TENM3: variants seen among roughly 807,000 people sequenced by gnomAD.
TENM3 encodes the protein teneurin-3.
A neutral mutation model predicts 255.1 loss-of-function variants in TENM3; 63 were observed. The ratio of observed to expected loss-of-function variants is 0.25; its 90% confidence interval spans 0.20 to 0.30. The LOEUF (loss-of-function observed/expected upper bound fraction) is 0.30. Ranked by LOEUF, TENM3 falls within the 10% of genes least tolerant of loss-of-function variation. The probability of loss-of-function intolerance (pLI) is 1.00; values close to 1 mark genes in which losing one functional copy is unlikely to be tolerated. For missense variants in TENM3, 2,929 were observed against 3,461.1 expected, an observed-to-expected ratio of 0.85 and a Z score of 3.86; for synonymous variants, 1,306 against 1,322.3, an observed-to-expected ratio of 0.99 and a Z score of 0.27.
the TENM3 span, among the ~76,000 whole-genome samples, chr4:182,032,378 T>C: frequency 6.6e-6 from 1 of 152,210 alleles, no homozygotes; most frequent in Non-Finnish European, 1.5e-5. Context: ...TGTTGAACGA[T>C]CCTTTCATCT....
the TENM3 span, among the ~76,000 whole-genome samples, chr4:181,720,225 A>T: frequency 6.6e-6 from 1 of 152,248 alleles, no homozygotes; most frequent in African/African-American, 2.4e-5. Flanking sequence ...ATAAGTTTCC[A>T]TGGCATTATT....
chr4:182,705,529 A>G (rs1184190032), intron 12 of TENM3, among the ~76,000 whole-genome samples: 2 of 152,330 alleles, frequency 1.3e-5, no homozygotes, highest in East Asian at 3.9e-4. Flanking sequence ...AGCCATACAC[A>G]TCAGCAACTG....
the TENM3 span, among the ~76,000 whole-genome samples, chr4:181,793,982 T>A: frequency 6.6e-6 from 1 of 152,166 alleles, no homozygotes; most frequent in African/African-American, 2.4e-5. Context: ...GTTTCCACAT[T>A]AATAACACCT....
At chr4:181,953,852 A>G in the TENM3 span, among the ~76,000 whole-genome samples, 1 of 152,090 alleles carries the variant, frequency 6.6e-6, no homozygotes, top group Non-Finnish European at 1.5e-5. Flanking sequence ...ATTTTGACAT[A>G]TTTATACACC....
chr4:181,777,212 T>A, the TENM3 span, among the ~76,000 whole-genome samples: 3 of 152,028 alleles, frequency 2.0e-5, no homozygotes, highest in South Asian at 6.2e-4. Flanking sequence ...CGACAATGAG[T>A]TGGCTAGAAG....
At chr4:181,860,706 A>G in the TENM3 span, among the ~76,000 whole-genome samples, 1 of 152,216 alleles carries the variant, frequency 6.6e-6, no homozygotes, top group Admixed American at 6.5e-5. Flanking sequence ...ATAATATTTC[A>G]AAGTTATTTT....
chr4:182,061,856 G>C, the TENM3 span, among the ~76,000 whole-genome samples: 1 of 152,018 alleles, frequency 6.6e-6, no homozygotes, highest in Non-Finnish European at 1.5e-5. Flanking sequence ...CCAGATAGTT[G>C]GGAAGATGAA....
the TENM3 span, among the ~76,000 whole-genome samples, chr4:181,554,153 G>A: frequency 6.6e-6 from 1 of 152,180 alleles, no homozygotes; most frequent in Non-Finnish European, 1.5e-5. Context: ...CCAAGATGAG[G>A]AAAGGTAGAT....
intron 3 of TENM3, among the ~76,000 whole-genome samples, chr4:182,446,627 T>C (rs1439605221): frequency 2.3e-5 from 3 of 128,344 alleles, no homozygotes; most frequent in South Asian, 2.3e-4. Flanking sequence ...GTCCTAGCAC[T>C]TTTTTTTTTT....
intron 1 of TENM3, among the ~76,000 whole-genome samples, chr4:182,290,468 A>C (rs1406264937): frequency 6.6e-6 from 1 of 152,190 alleles, no homozygotes; most frequent in Non-Finnish European, 1.5e-5. Flanking sequence ...GCGACTTTAA[A>C]AAATGGCTTT....
chr4:181,869,349 T>A, the TENM3 span, among the ~76,000 whole-genome samples: 2 of 152,178 alleles, frequency 1.3e-5, no homozygotes, highest in Non-Finnish European at 1.5e-5. Context: ...TCTTTAATTA[T>A]GTAAATCATG....
chr4:182,625,625 C>T (rs1750748143), intron 4 of TENM3, among the ~76,000 whole-genome samples: 2 of 152,170 alleles, frequency 1.3e-5, no homozygotes, highest in Admixed American at 6.5e-5. Flanking sequence ...CTATACTTGG[C>T]AAAGATGATC....
At chr4:182,323,919 C>A in intron 1 of TENM3, 27 bp from the exon 2 acceptor site, 1 of 959,394 alleles carries the variant, frequency 1.0e-6, no homozygotes, top group Non-Finnish European at 1.6e-6. Context: ...GTCATGCTGA[C>A]CTCATGCAAA....
chr4:181,490,429 C>T, the TENM3 span, among the ~76,000 whole-genome samples: 37 of 152,122 alleles, frequency 2.4e-4, no homozygotes, highest in East Asian at 1.9e-4. Flanking sequence ...TCTGGGACAA[C>T]GCTAATACTG....
intron 1 of TENM3, among the ~76,000 whole-genome samples, chr4:182,297,352 T>C (rs979772742): frequency 2.0e-5 from 3 of 152,232 alleles, no homozygotes; most frequent in Non-Finnish European, 2.9e-5. Flanking sequence ...AAATAAATAA[T>C]TTATACAATT....
the TENM3 span, among the ~76,000 whole-genome samples, chr4:181,770,989 AACCAACTAAG>A: frequency 6.6e-6 from 1 of 152,230 alleles, no homozygotes; most frequent in Non-Finnish European, 1.5e-5. Context: ...CTAATGATCC[AACCAACTAAG>A]AAACTTGGCC....
chr4:182,207,388 C>A (rs1385791384), intron 1 of TENM3, among the ~76,000 whole-genome samples: 1 of 152,188 alleles, frequency 6.6e-6, no homozygotes, highest in African/African-American at 2.4e-5. Context: ...TCTACTTACA[C>A]ATTAAGTTAT....
chr4:181,783,299 G>T, the TENM3 span, among the ~76,000 whole-genome samples: 4 of 152,036 alleles, frequency 2.6e-5, no homozygotes, highest in Non-Finnish European at 5.9e-5. Flanking sequence ...ATGAATCTGG[G>T]TGCTCCTGTA....
At chr4:182,617,848 G>T (rs1561010003) in intron 4 of TENM3, among the ~76,000 whole-genome samples, 1 of 152,026 alleles carries the variant, frequency 6.6e-6, no homozygotes, top group Admixed American at 6.5e-5. Context: ...AATATAAGAG[G>T]AGGAAAGCAT....
Sources: allele counts gnomAD v4.1 joint callset (sites outside exome capture counted in the v4.1 genomes callset), GRCh38; gene constraint gnomAD v4.1.1; transcripts MANE v1.5; gene names NCBI Gene and HGNC (gene_info 2026-07-23, HGNC 2026-07-21).